The following CTNNA3 variants were observed in gnomAD, a reference collection of about 807,000 sequenced individuals.
CTNNA3 encodes the protein catenin alpha 3.
A neutral mutation model predicts 95.7 loss-of-function variants in CTNNA3; 76 were observed. The observed-to-expected ratio is 0.79, with a 90% CI of 0.66 to 0.96. The LOEUF (loss-of-function observed/expected upper bound fraction) is 0.96. Among genes scored for constraint, CTNNA3 ranks in the 40% least tolerant of loss-of-function variants. The pLI is 0.00. For missense variants in CTNNA3, 1,191 were observed against 1,089.8 expected, an observed-to-expected ratio of 1.09 and a Z score of -1.31; for synonymous variants, 431 against 374.4, an observed-to-expected ratio of 1.15 and a Z score of -1.74.
chr10:66,803,588 A>G (rs1841518405), intron 7 of CTNNA3, among the ~76,000 whole-genome samples: 1 of 151,964 alleles, frequency 6.6e-6, no homozygotes, highest in South Asian at 2.1e-4. Flanking sequence ...CAACAATAAC[A>G]ACATGAACCA....
intron 5 of CTNNA3, among the ~76,000 whole-genome samples, chr10:67,322,816 T>C (rs1479183559): frequency 1.3e-5 from 2 of 152,178 alleles, no homozygotes; most frequent in Non-Finnish European, 2.9e-5. Flanking sequence ...TCCACAATGG[T>C]CAAACTAATT....
chr10:66,679,332 G>A (rs1490042603), intron 9 of CTNNA3, among the ~76,000 whole-genome samples: 1 of 152,118 alleles, frequency 6.6e-6, no homozygotes, highest in Non-Finnish European at 1.5e-5. Flanking sequence ...TTGGGAGATT[G>A]GTGATTTCAT....
At chr10:67,760,807 T>C (rs1340440429) in intron 1 of CTNNA3, among the ~76,000 whole-genome samples, 1 of 152,194 alleles carries the variant, frequency 6.6e-6, no homozygotes, top group Non-Finnish European at 1.5e-5. Context: ...GAGAATCTAA[T>C]GCCTGATGAT....
intron 3 of CTNNA3, among the ~76,000 whole-genome samples, chr10:67,577,666 ATGTG>A (rs1181620968): frequency 4.7e-5 from 7 of 149,672 alleles, no homozygotes; most frequent in South Asian, 2.1e-4. Context: ...ATACACACAT[ATGTG>A]TGTGTGTGTA....
At chr10:66,346,093 A>G (rs1301427029) in intron 12 of CTNNA3, among the ~76,000 whole-genome samples, 6 of 150,722 alleles carry the variant, frequency 4.0e-5, no homozygotes, top group African/African-American at 2.4e-5. Context: ...AAAAAAAAAA[A>G]AAAGAATATT....
chr10:66,275,118 T>A (rs1037480205), intron 13 of CTNNA3, among the ~76,000 whole-genome samples: 1 of 138,104 alleles, frequency 7.2e-6, no homozygotes, highest in Non-Finnish European at 1.5e-5. Flanking sequence ...TAATTTGCAT[T>A]TTTTTTCCTT....
intron 2 of CTNNA3, among the ~76,000 whole-genome samples, chr10:67,640,961 T>C (rs1308801429): frequency 6.6e-6 from 1 of 152,156 alleles, no homozygotes; most frequent in Non-Finnish European, 1.5e-5. Flanking sequence ...ACTTCATGTC[T>C]AAAACACCAA....
chr10:66,550,215 T>G (rs754461819), intron 10 of CTNNA3, among the ~76,000 whole-genome samples: 2 of 152,306 alleles, frequency 1.3e-5, no homozygotes, highest in Non-Finnish European at 1.5e-5. Context: ...CACATTGTCT[T>G]GAAGTCTACT....
chr10:67,027,560 G>A (rs1853470020), intron 7 of CTNNA3, among the ~76,000 whole-genome samples: 1 of 150,892 alleles, frequency 6.6e-6, no homozygotes, highest in South Asian at 2.1e-4. Flanking sequence ...TCAGCCTTCC[G>A]AGTAGCTGAG....
chr10:66,845,703 C>CAAAAAAAAAAAAAAACAAAAAA (rs1843224076), intron 7 of CTNNA3, among the ~76,000 whole-genome samples: 1 of 23,536 alleles, frequency 4.2e-5, no homozygotes, highest in Non-Finnish European at 1.2e-4. Context: ...AACTCTGTCT[C>CAAAAAAAAAAAAAAACAAAAAA]AAAAAAAAAA....
intron 5 of CTNNA3, among the ~76,000 whole-genome samples, chr10:67,437,053 C>A (rs1457821427): frequency 6.6e-6 from 1 of 152,170 alleles, no homozygotes; most frequent in Non-Finnish European, 1.5e-5. Context: ...TTCACAACTG[C>A]AAAATCGTGG....
intron 13 of CTNNA3, among the ~76,000 whole-genome samples, chr10:66,248,506 C>T (rs891902706): frequency 2.6e-5 from 4 of 151,730 alleles, no homozygotes; most frequent in Non-Finnish European, 4.4e-5. Flanking sequence ...AAACATACTT[C>T]CCCTATAAAG....
chr10:66,315,324 G>A (rs1173962044), intron 12 of CTNNA3, among the ~76,000 whole-genome samples: 1 of 151,906 alleles, frequency 6.6e-6, no homozygotes, highest in Non-Finnish European at 1.5e-5. Flanking sequence ...GTCAAAATAT[G>A]GACCAGAGAT....
chr10:66,694,879 C>T (rs1847699330), intron 9 of CTNNA3, among the ~76,000 whole-genome samples: 1 of 152,068 alleles, frequency 6.6e-6, no homozygotes, highest in Admixed American at 6.6e-5. Flanking sequence ...TTGGTATTTC[C>T]TCTTGTGCCT....
intron 13 of CTNNA3, among the ~76,000 whole-genome samples, chr10:66,203,638 A>C: frequency 6.6e-6 from 1 of 152,246 alleles, no homozygotes; most frequent in African/African-American, 2.4e-5. Flanking sequence ...TTTTATAATT[A>C]ATTTTTTTCT....
chr10:67,720,024 T>G (rs1841169739), intron 1 of CTNNA3, among the ~76,000 whole-genome samples: 1 of 151,940 alleles, frequency 6.6e-6, no homozygotes, highest in African/African-American at 2.4e-5. Context: ...TTAGCTCTTC[T>G]TGTTGCATTG....
chr10:66,488,962 A>G (rs1565012073), intron 11 of CTNNA3, among the ~76,000 whole-genome samples: 1 of 152,174 alleles, frequency 6.6e-6, no homozygotes, highest in African/African-American at 2.4e-5. Flanking sequence ...AATGGATTAT[A>G]AATCATTGAG....
At chr10:67,615,267 A>G (rs1843611276) in intron 2 of CTNNA3, among the ~76,000 whole-genome samples, 1 of 152,232 alleles carries the variant, frequency 6.6e-6, no homozygotes, top group Admixed American at 6.5e-5. Context: ...GTAACAAAGC[A>G]CATGTAGATC....
intron 7 of CTNNA3, among the ~76,000 whole-genome samples, chr10:67,173,573 G>A (rs1244245989): frequency 6.6e-6 from 1 of 152,128 alleles, no homozygotes; most frequent in Non-Finnish European, 1.5e-5. Flanking sequence ...CTGTTCTAGT[G>A]TATATGATCT....
Sources: gnomAD v4.1 joint callset for allele counts (sites outside exome capture counted in the v4.1 genomes callset) on GRCh38, gnomAD v4.1.1 for gene constraint, MANE v1.5 for transcripts, NCBI Gene and HGNC (gene_info 2026-07-23, HGNC 2026-07-21) for gene names.